The following SYNJ2 variants were observed in gnomAD, a reference collection of about 807,000 sequenced individuals.
The protein encoded by SYNJ2 is polyphosphatidylinositol phosphatase SYNJ2.
In SYNJ2, 116 loss-of-function variants were observed where a neutral mutation model predicts 141.3. That is an observed-to-expected ratio of 0.82 (90% CI 0.71 to 0.96). The LOEUF is 0.96. SYNJ2 is among the 40% of genes least tolerant of loss of function. The pLI is 0.00. For missense variants in SYNJ2, 1,873 were observed against 1,934.8 expected, an observed-to-expected ratio of 0.97 and a Z score of 0.60; for synonymous variants, 745 against 777.7, an observed-to-expected ratio of 0.96 and a Z score of 0.70.
At chr6:157,989,422 A>C (rs1777325213) in intron 1 of SYNJ2, among the ~76,000 whole-genome samples, 1 of 109,022 alleles carries the variant, frequency 9.2e-6, no homozygotes, top group African/African-American at 3.2e-5. Flanking sequence ...TTATGTAAAA[A>C]AATGAATATA....
chr6:158,033,180 G>C (rs1309740642), intron 3 of SYNJ2, among the ~76,000 whole-genome samples: 1 of 152,196 alleles, frequency 6.6e-6, no homozygotes, highest in Non-Finnish European at 1.5e-5. Flanking sequence ...TCCATTTAGC[G>C]ACAGTGACGA....
At chr6:157,983,172 C>G (rs917655491) in intron 1 of SYNJ2, among the ~76,000 whole-genome samples, 2 of 152,200 alleles carry the variant, frequency 1.3e-5, no homozygotes, top group Non-Finnish European at 2.9e-5. Context: ...CATCGACTCC[C>G]GTTCGGATGT....
intron 15 of SYNJ2, 35 bp from the exon 16 acceptor site, chr6:158,074,545 T>C: frequency 6.3e-7 from 1 of 1,596,778 alleles, no homozygotes. Flanking sequence ...CCTTGCAAGA[T>C]GGGCTGAATG....
rs991410425 is a variant in SYNJ2 at position 158,064,891 on chromosome 6, G to A, written c.1425G>A (p.Gly475=). 3.7e-6 allele frequency: 6 copies of A among 1,613,680 alleles called. No individual in the cohort carries two copies. In the Admixed American group the frequency reaches 6.7e-5, roughly 18 times the overall value. The change falls in exon 11 of 27, where the codon GGG becomes GGA. Residue 475 remains glycine (G), a synonymous_variant. Transcript: ENST00000355585. The stretch of plus-strand genomic sequence containing the variant: ...CCATCCAGTCCAACTTCTTCGACGG[G>A]GTGAAGCAGGAGGCCATCAAGCTGC... The part of the protein sequence containing the change: ...SRTIQSNFFD[G]VKQEAIKLLL...
At chr6:158,079,316 C>T (rs1443006184) in intron 18 of SYNJ2, 3 of 151,806 alleles carry the variant, frequency 2.0e-5, no homozygotes, top group Non-Finnish European at 4.4e-5. Flanking sequence ...ACTCTCATGT[C>T]AGTTTCAACT....
intron 4 of SYNJ2, among the ~76,000 whole-genome samples, chr6:158,034,465 C>T (rs1014540166): frequency 6.6e-6 from 1 of 152,200 alleles, no homozygotes; most frequent in Non-Finnish European, 1.5e-5. Context: ...ATGCCTTATG[C>T]GGACTTTGGC....
At chr6:157,993,043 GCATATAGTA>G (rs1234602701) in intron 1 of SYNJ2, among the ~76,000 whole-genome samples, 5 of 152,032 alleles carry the variant, frequency 3.3e-5, no homozygotes, top group African/African-American at 7.2e-5. Flanking sequence ...GTGGTTGTAC[GCATATAGTA>G]CATATAGTAC....
At position 158,028,753 on chromosome 6, in the gene SYNJ2, C is replaced by G; in HGVS notation, c.215-3C>G. 3 of 1,613,270 alleles carry G rather than the reference C, an allele frequency of 1.9e-6. No individual in the cohort carries two copies. Among genetic ancestry groups the G allele is most frequent in the Non-Finnish European group, 2.5e-6 (3 of 1,179,340 alleles). On this transcript the variant is annotated splice_region_variant and splice_polypyrimidine_tract_variant and intron_variant, in intron 2 of 26. Coordinates refer to ENST00000355585, the MANE Select transcript of SYNJ2 (RefSeq NM_003898.4). Reference sequence around the variant, plus strand: ...GAGCTCTCCTGTCTGATTTCCTTTCCAGGTGGCACGTCTCTGAGCTTCCTG... The same window carrying G: ...GAGCTCTCCTGTCTGATTTCCTTTCGAGGTGGCACGTCTCTGAGCTTCCTG...
chr6:158,051,968 A>G (rs951864448), intron 5 of SYNJ2, among the ~76,000 whole-genome samples: 1 of 146,380 alleles, frequency 6.8e-6, no homozygotes, highest in South Asian at 2.1e-4. Context: ...AGAAAAAAAA[A>G]AGAAGAAGAA....
intron 24 of SYNJ2, among the ~76,000 whole-genome samples, chr6:158,089,616 A>G (rs1412029383): frequency 6.6e-6 from 1 of 152,156 alleles, no homozygotes; most frequent in Non-Finnish European, 1.5e-5. Flanking sequence ...ATCTGTAATC[A>G]CCCGGCTTTG....
At chr6:158,007,019 G>C (rs778815455) in intron 1 of SYNJ2, among the ~76,000 whole-genome samples, 21 of 152,028 alleles carry the variant, frequency 1.4e-4, no homozygotes, top group Non-Finnish European at 2.9e-4. Flanking sequence ...AGGCTGGATT[G>C]CAGTGGCGCA....
At position 157,982,134 on chromosome 6, in the gene SYNJ2, G is replaced by A. The variant is rs1284960210; in HGVS notation, c.127+46G>A. The A allele has an allele frequency of 1.9e-5, 24 of 1,285,244 alleles. No individual in the cohort carries two copies. Among genetic ancestry groups the A allele is most frequent in the Non-Finnish European group, 2.4e-5 (24 of 1,015,266 alleles). The allele number at this position is 1,285,244 out of a possible 1,614,324, so 79.6% of individuals were successfully genotyped here. On this transcript the variant is annotated intron_variant, in intron 1 of 26. Coordinates refer to ENST00000355585, the MANE Select transcript of SYNJ2 (RefSeq NM_003898.4). The surrounding 1 kb of genome is among the most constrained non-coding windows in gnomAD (Gnocchi z 4.0). Reference sequence around the variant, plus strand: ...GCGACGCCCGGAGGAGAGGGCGCCCGCATTCGCCCAGCCTCGGGAAGACGG... The same window carrying A: ...GCGACGCCCGGAGGAGAGGGCGCCCACATTCGCCCAGCCTCGGGAAGACGG...
chr6:157,981,488 G>T (rs1272854878), upstream of SYNJ2, among the ~76,000 whole-genome samples: 1 of 152,218 alleles, frequency 6.6e-6, no homozygotes, highest in Admixed American at 6.5e-5. The surrounding 1 kb of genome is among the most constrained non-coding windows in gnomAD (Gnocchi z 6.4). Flanking sequence ...ACCACACAGG[G>T]AGGCGCAGCG....
At position 157,993,814 on chromosome 6, in the gene SYNJ2, T is replaced by G. The variant is rs1482399710; in HGVS notation, c.127+11726T>G. On this transcript the variant is annotated intron_variant, in intron 1 of 26. Transcript: ENST00000355585. ...ATGTGTGGGTTTTTTTTTTTTTTTT[T>G]TTTTTTTTTTTTTTTTTTGGGACGG... Among the ~76,000 whole-genome samples, 362 of 113,084 alleles carry G rather than the reference T, an allele frequency of 3.2e-3. 6 individuals carry two copies. The highest frequency in any genetic ancestry group is 5.3e-3 in the African/African-American group (163 of 31,010). The allele number at this position is 113,084 out of a possible 152,430, so 74.2% of individuals were successfully genotyped here.
At chr6:158,060,879 C>G (rs1261528184) in intron 7 of SYNJ2, among the ~76,000 whole-genome samples, 2 of 152,250 alleles carry the variant, frequency 1.3e-5, no homozygotes, top group African/African-American at 2.4e-5. Flanking sequence ...GGGAGGGGCA[C>G]TCTAGCTGAA....
intron 16 of SYNJ2, among the ~76,000 whole-genome samples, chr6:158,075,700 G>A (rs1246483661): frequency 2.0e-5 from 3 of 151,974 alleles, no homozygotes; most frequent in Non-Finnish European, 4.4e-5. Context: ...AGATTTGGAC[G>A]TTCTTCGAGG....
At chr6:158,029,072 C>CAGAGGGTGGGCCCTGGGTCTCCTGT (rs1248763691) in intron 3 of SYNJ2, 46 bp downstream of exon 3, 1 of 1,603,036 alleles carries the variant, frequency 6.2e-7, no homozygotes. Context: ...GGGTCTCCTG[C>CAGAGGGTGGGCCCTGGGTCTCCTGT]AGAGGGTGGG....
At chr6:158,013,949 G>C (rs9295278) in intron 1 of SYNJ2, among the ~76,000 whole-genome samples, 100,760 of 151,628 alleles carry the variant, frequency 0.66, 33,824 homozygotes, top group Middle Eastern at 0.78. Context: ...GCCACTGGTT[G>C]AGTGTTAACG....
intron 18 of SYNJ2, among the ~76,000 whole-genome samples, chr6:158,079,541 T>G (rs533704939): frequency 1.3e-5 from 2 of 152,032 alleles, no homozygotes; most frequent in East Asian, 1.9e-4. Flanking sequence ...CCCGGCTGAT[T>G]TTTGTATTTT....
Sources: gnomAD v4.1 joint callset for allele counts (sites outside exome capture counted in the v4.1 genomes callset) on GRCh38, gnomAD v4.1.1 for gene constraint, Gnocchi (gnomAD v3.1) non-coding constraint, MANE v1.5 for transcripts, NCBI Gene and HGNC (gene_info 2026-07-23, HGNC 2026-07-21) for gene names.